Variants in SECISBP2 observed in about 807,000 individuals in gnomAD.
SECISBP2 encodes the protein selenocysteine insertion sequence-binding protein 2.
A neutral mutation model predicts 98.2 loss-of-function variants in SECISBP2; 96 were observed. The observed-to-expected ratio is 0.98, with a 90% CI of 0.83 to 1.16. The LOEUF is 1.16. Among genes scored for constraint, SECISBP2 ranks in the 50% most tolerant of loss-of-function variants. The probability of loss-of-function intolerance (pLI) is 0.00; values close to 1 mark genes in which losing one functional copy is unlikely to be tolerated. For synonymous variants in SECISBP2, 407 were observed against 370.2 expected (o/e 1.10, Z -1.14); for missense variants, 1,046 against 1,022.9 (o/e 1.02, Z -0.31).
At chr9:89,318,976 T>G in intron 1 of SECISBP2, 1 of 1,087,986 alleles carries the variant, frequency 9.2e-7, no homozygotes, top group Non-Finnish European at 1.1e-6. Context: ...TTTCTGAACG[T>G]CATTCTCCGC....
downstream of SECISBP2, chr9:89,363,857 G>A (rs764192802): frequency 3.7e-6 from 6 of 1,614,084 alleles, no homozygotes; most frequent in South Asian, 6.6e-5. Context: ...GAGTGCATGG[G>A]CCCTGCCATC....
intron 6 of SECISBP2, 99 bp downstream of exon 6, chr9:89,333,085 C>T (rs1564360598): frequency 1.0e-6 from 1 of 981,120 alleles, no homozygotes; most frequent in African/African-American, 1.6e-5. Context: ...GTTGTAAAGA[C>T]TTAAGACAGC....
chr9:89,337,293 C>T (rs1034867659), intron 7 of SECISBP2, among the ~76,000 whole-genome samples: 1 of 152,140 alleles, frequency 6.6e-6, no homozygotes, highest in African/African-American at 2.4e-5. Flanking sequence ...ACCCAAATAG[C>T]TTTGCATTTT....
downstream of SECISBP2, chr9:89,361,537 G>GAGAT (rs1406839723): frequency 2.6e-5 from 4 of 152,228 alleles, no homozygotes; most frequent in African/African-American, 9.7e-5. Flanking sequence ...ACAGTCTTCA[G>GAGAT]AGATACAGCT....
At chr9:89,361,735 A>C (rs1208200255), downstream of SECISBP2, 1 of 152,508 alleles carries the variant, frequency 6.6e-6, no homozygotes, top group African/African-American at 2.4e-5. Context: ...GCGCTTGATA[A>C]AATAGAGCCC....
chr9:89,363,276 A>C (rs915450629), downstream of SECISBP2, among the ~76,000 whole-genome samples: 3 of 149,442 alleles, frequency 2.0e-5, no homozygotes, highest in African/African-American at 4.9e-5. Flanking sequence ...TTCCCCCCCC[A>C]GTGTTGCAGA....
chr9:89,355,876 T>A (rs566229413), intron 14 of SECISBP2, among the ~76,000 whole-genome samples: 1 of 152,324 alleles, frequency 6.6e-6, no homozygotes, highest in East Asian at 1.9e-4. Flanking sequence ...AAACTCCGGT[T>A]TTTTCTGGCG....
intron 2 of SECISBP2, chr9:89,322,832 G>A (rs1207843549): frequency 1.3e-5 from 2 of 152,132 alleles, no homozygotes; most frequent in Non-Finnish European, 2.9e-5. Flanking sequence ...TAATTTTGGG[G>A]GGAAGCTGTC....
intron 11 of SECISBP2, 79 bp downstream of exon 11, chr9:89,347,127 G>A: frequency 6.9e-7 from 1 of 1,446,004 alleles, no homozygotes; most frequent in Non-Finnish European, 9.6e-7. Flanking sequence ...CCAGCTCTTA[G>A]ATTTTTAGAT....
intron 2 of SECISBP2, chr9:89,324,627 T>C (rs891405221): frequency 1.3e-5 from 2 of 151,828 alleles, no homozygotes; most frequent in Admixed American, 6.5e-5. Context: ...GTGTCATGAC[T>C]AGGTTTGGAT....
Position 89,328,849 on chromosome 9 carries a change from T to A in SECISBP2, c.764T>A (p.Leu255Gln), listed in dbSNP as rs201068154. Residue 255 changes from leucine to glutamine, a missense_variant, in exon 5 of 17, where the codon CTA (leucine) becomes CAA (glutamine). By Grantham distance (113) the Leu-to-Gln change is moderately radical (BLOSUM62 -2). Transcript: ENST00000375807. ...TCTGTCTCTACCGACATTTCTCTTCTAAGAGAAGTAGTAAAACCAGCTGCA... is the reference window on the plus strand; with the variant it reads ...TCTGTCTCTACCGACATTTCTCTTCAAAGAGAAGTAGTAAAACCAGCTGCA... Reference protein sequence around the residue: ...VHSVSTDISLLREVVKPAAVL... With the variant: ...VHSVSTDISLQREVVKPAAVL... 2 of 1,613,928 alleles carry A rather than the reference T, an allele frequency of 1.2e-6. No individual in the cohort carries two copies. Among genetic ancestry groups the A allele is most frequent in the East Asian group, 2.2e-5 (1 of 44,892 alleles).
intron 14 of SECISBP2, 74 bp from the exon 15 acceptor site, chr9:89,357,337 C>T (rs1040383218): frequency 5.2e-6 from 8 of 1,536,230 alleles, no homozygotes; most frequent in Non-Finnish European, 6.3e-6. Context: ...TAAGAAAAAG[C>T]TCTTTGCAAC....
chr9:89,357,201 A>G (rs1396037933), intron 14 of SECISBP2: 1 of 617,198 alleles, frequency 1.6e-6, no homozygotes, highest in Non-Finnish European at 2.9e-6. Flanking sequence ...TGTTAAGACA[A>G]TACCAGCTGT....
At chr9:89,354,215 T>C (rs1235310538) in intron 14 of SECISBP2, among the ~76,000 whole-genome samples, 1 of 152,262 alleles carries the variant, frequency 6.6e-6, no homozygotes, top group African/African-American at 2.4e-5. Context: ...TGGATTTTGC[T>C]GCTTGTATTG....
intron 12 of SECISBP2, 55 bp downstream of exon 12, chr9:89,348,269 A>G: frequency 6.2e-7 from 1 of 1,602,176 alleles, no homozygotes; most frequent in Non-Finnish European, 8.6e-7. Context: ...AACTATGAAA[A>G]GGATGAGCTA....
At chr9:89,318,665 C>T (rs897235330) in intron 1 of SECISBP2, 53 bp downstream of exon 1, 1 of 1,368,026 alleles carries the variant, frequency 7.3e-7, no homozygotes, top group Non-Finnish European at 9.4e-7. Context: ...GCCTGCCTCG[C>T]ACTGGGGGCT....
At chr9:89,356,058 C>T (rs1832029122) in intron 14 of SECISBP2, among the ~76,000 whole-genome samples, 1 of 152,178 alleles carries the variant, frequency 6.6e-6, no homozygotes, top group African/African-American at 2.4e-5. Flanking sequence ...GTCCCCAACC[C>T]CTGGGCTGCA....
Position 89,325,251 on chromosome 9 carries a change from G to A in SECISBP2, c.183-176G>A, listed in dbSNP as rs1826489986. 3 of 628,340 alleles carry A rather than the reference G, an allele frequency of 4.8e-6. 1 individual carries two copies. The South Asian group carries it at 6.0e-5, about 12-fold the overall frequency. The allele number at this position is 628,340 out of a possible 1,614,324, so 38.9% of individuals were successfully genotyped here. ...AAAAATAGAGTCAACATCTTTCTTTGCAGGGTGAGAAAGAAACACCCAGAG... is the reference window on the plus strand; with the variant it reads ...AAAAATAGAGTCAACATCTTTCTTTACAGGGTGAGAAAGAAACACCCAGAG... On this transcript the variant is annotated intron_variant, in intron 2 of 16. Transcript: ENST00000375807.
At chr9:89,363,364 TGGATGTGGCA>T (rs1435441574), downstream of SECISBP2, 2 of 1,594,732 alleles carry the variant, frequency 1.3e-6, no homozygotes, top group Non-Finnish European at 1.7e-6. Flanking sequence ...AAAGATCCAC[TGGATGTGGCA>T]GGTGCCCTGC....
Sources: gnomAD v4.1 joint callset for allele counts (sites outside exome capture counted in the v4.1 genomes callset) on GRCh38, gnomAD v4.1.1 for gene constraint, MANE v1.5 for transcripts, NCBI Gene and HGNC (gene_info 2026-07-23, HGNC 2026-07-21) for gene names.